The following CEP63 variants were observed in gnomAD, a reference collection of about 807,000 sequenced individuals.
CEP63 encodes centrosomal protein of 63 kDa.
CEP63 carries 84 observed loss-of-function variants against 89.1 expected under a neutral mutation model. The ratio of observed to expected loss-of-function variants is 0.94; its 90% CI spans 0.79 to 1.13. The LOEUF is 1.13. Among genes scored for constraint, CEP63 ranks in the 50% most tolerant of loss-of-function variants. The pLI is 0.00. For missense variants in CEP63, 838 were observed against 813.3 expected (o/e 1.03, Z -0.37); for synonymous variants, 267 against 272.5 (o/e 0.98, Z 0.20).
the CEP63 span, chr3:134,650,770 G>A: frequency 6.8e-7 from 1 of 1,479,700 alleles, no homozygotes; most frequent in South Asian, 1.4e-5. Flanking sequence ...AGGCCCTTGT[G>A]GCAAGGAGGC....
At position 134,532,063 on chromosome 3, in the gene CEP63, C is replaced by G. The variant is rs998796637; in HGVS notation, c.318+123C>G. On this transcript the variant is annotated intron_variant, in intron 4 of 14. Coordinates refer to ENST00000675561, the MANE Select transcript of CEP63 (RefSeq NM_001353108.3). ...GGAAATACATACTCCATCAAAGATACAGGAGTGGGAATCCATTTCTCTGTT... is the reference window on the plus strand; with the variant it reads ...GGAAATACATACTCCATCAAAGATAGAGGAGTGGGAATCCATTTCTCTGTT... The G allele has an allele frequency of 7.8e-6, 5 of 641,748 alleles. No homozygotes were observed. In the African/African-American group the frequency reaches 9.2e-5, roughly 12 times the overall value. The allele number at this position is 641,748 out of a possible 1,614,324, so 39.8% of individuals were successfully genotyped here. A position where few individuals can be genotyped will look rare whatever the true frequency, so the allele number is the denominator to read the frequency against.
the CEP63 span, among the ~76,000 whole-genome samples, chr3:134,713,372 G>T: frequency 1.7e-3 from 255 of 151,580 alleles, no homozygotes; most frequent in African/African-American, 6.0e-3. Context: ...CATGGGGGAG[G>T]TCTGCTCAGA....
chr3:134,634,305 GAAAA>G, the CEP63 span, among the ~76,000 whole-genome samples: 114 of 148,748 alleles, frequency 7.7e-4, 3 homozygotes, highest in South Asian at 0.024. Flanking sequence ...AACTAATTTT[GAAAA>G]AAAAAGATGG....
the CEP63 span, among the ~76,000 whole-genome samples, chr3:134,598,621 C>T: frequency 1.3e-5 from 2 of 152,054 alleles, no homozygotes; most frequent in African/African-American, 4.8e-5. Context: ...TGTAGCAGGT[C>T]GTGGGAAAGG....
chr3:134,630,202 G>A, the CEP63 span, among the ~76,000 whole-genome samples: 1 of 152,186 alleles, frequency 6.6e-6, no homozygotes, highest in Non-Finnish European at 1.5e-5. Context: ...GAGTCAGAGA[G>A]AGTGAAAGAA....
rs746682690 is a variant in CEP63 at position 134,558,278 on chromosome 3, A to G, written c.1604A>G (p.Lys535Arg). 11 of 1,613,852 alleles carry G rather than the reference A, an allele frequency of 6.8e-6. No homozygotes were observed. The highest frequency in any genetic ancestry group is 4.0e-5 in the African/African-American group (3 of 74,930). Reference sequence around the variant, plus strand: ...CTGGAGATTTCTACTCAGATGTGCAAAAAACAAAATGACAGGATCTTTAAA... The same window carrying G: ...CTGGAGATTTCTACTCAGATGTGCAGAAAACAAAATGACAGGATCTTTAAA... The part of the protein sequence containing the change: ...SQLEISTQMC[K>R]KQNDRIFKPT... The change falls in exon 13 of 15, where the codon AAA becomes AGA. Residue 535 changes from lysine to arginine, a missense_variant. By Grantham distance (26) the Lys-to-Arg change is conservative. Transcript: ENST00000675561.
the CEP63 span, among the ~76,000 whole-genome samples, chr3:134,695,814 G>C: frequency 5.9e-5 from 9 of 152,208 alleles, no homozygotes; most frequent in African/African-American, 2.2e-4. Context: ...TGTGGCTTGT[G>C]AACACAGATG....
downstream of CEP63, among the ~76,000 whole-genome samples, chr3:134,575,241 TCC>T (rs1560076122): frequency 1.2e-4 from 2 of 16,378 alleles, no homozygotes; most frequent in Non-Finnish European, 2.8e-4. Context: ...CTCCCTTCCT[TCC>T]TTCCTTCCTT....
At chr3:134,610,530 A>C in the CEP63 span, 1 of 668,200 alleles carries the variant, frequency 1.5e-6, no homozygotes, top group Non-Finnish European at 2.5e-6. Flanking sequence ...ACATATAAAC[A>C]GCCTTGATGG....
chr3:134,572,639 C>G (rs535282248), intron 11 of CEP63, among the ~76,000 whole-genome samples: 1 of 152,284 alleles, frequency 6.6e-6, no homozygotes, highest in African/African-American at 2.4e-5. Flanking sequence ...ACCACATTTT[C>G]TTTATCTAAT....
At chr3:134,583,574 T>G (rs1958412974) in intron 10 of CEP63, among the ~76,000 whole-genome samples, 1 of 152,212 alleles carries the variant, frequency 6.6e-6, no homozygotes, top group African/African-American at 2.4e-5. Context: ...GCTGTTTTGG[T>G]TACTGTAGCC....
At chr3:134,516,790 C>T (rs1480642465) in intron 3 of CEP63, among the ~76,000 whole-genome samples, 3 of 152,192 alleles carry the variant, frequency 2.0e-5, no homozygotes, top group African/African-American at 7.2e-5. Flanking sequence ...CATCTCAAGG[C>T]AGAAGAATTT....
intron 6 of CEP63, among the ~76,000 whole-genome samples, chr3:134,537,733 G>A (rs1951054546): frequency 6.6e-6 from 1 of 151,944 alleles, no homozygotes; most frequent in Non-Finnish European, 1.5e-5. Context: ...CTCTACTATA[G>A]TCTGTGCCTT....
chr3:134,595,134 G>A, the CEP63 span, among the ~76,000 whole-genome samples: 40 of 152,260 alleles, frequency 2.6e-4, no homozygotes, highest in South Asian at 2.9e-3. Context: ...TAATCTCCAC[G>A]TGTCATGGGA....
the CEP63 span, among the ~76,000 whole-genome samples, chr3:134,640,351 C>G: frequency 6.6e-6 from 1 of 152,152 alleles, no homozygotes; most frequent in African/African-American, 2.4e-5. Context: ...ACTTCTGGGT[C>G]TGGTATGCGA....
At chr3:134,679,972 C>T in the CEP63 span, among the ~76,000 whole-genome samples, 1 of 152,182 alleles carries the variant, frequency 6.6e-6, no homozygotes, top group Non-Finnish European at 1.5e-5. Flanking sequence ...CAGCCACCTG[C>T]CTTGGCCTCT....
chr3:134,702,235 A>T, the CEP63 span, among the ~76,000 whole-genome samples: 1 of 152,150 alleles, frequency 6.6e-6, no homozygotes, highest in African/African-American at 2.4e-5. Flanking sequence ...AAATGGAAAA[A>T]CATTCCATGC....
intron 5 of CEP63, among the ~76,000 whole-genome samples, chr3:134,533,951 C>T (rs1170377179): frequency 6.6e-6 from 1 of 152,042 alleles, no homozygotes; most frequent in Non-Finnish European, 1.5e-5. Flanking sequence ...GCTTCCCTTC[C>T]ACCCTTTTCG....
rs1319028717 is a variant in CEP63 at position 134,532,818 on chromosome 3, A to G, written c.359A>G (p.Lys120Arg). 2.5e-6 allele frequency: 4 copies of G among 1,611,786 alleles called. No homozygotes were observed. In the African/African-American group the frequency reaches 5.3e-5, roughly 22 times the overall value. Residue 120 changes from lysine to arginine, a missense_variant, in exon 5 of 15, where the codon AAG becomes AGG. Lys to Arg is a conservative substitution (Grantham distance 26). Transcript: ENST00000675561. ...AGAAGCTATGAAAAGCTTCAGAAAAAGCAAATGAGGGAATTCAGAGGAAAT... is the reference window on the plus strand; with the variant it reads ...AGAAGCTATGAAAAGCTTCAGAAAAGGCAAATGAGGGAATTCAGAGGAAAT... Reference protein sequence around the residue: ...LKRSYEKLQKKQMREFRGNTK... With the variant: ...LKRSYEKLQKRQMREFRGNTK...
Sources: gnomAD v4.1 joint callset for allele counts (sites outside exome capture counted in the v4.1 genomes callset) on GRCh38, gnomAD v4.1.1 for gene constraint, MANE v1.5 for transcripts, NCBI Gene and HGNC (gene_info 2026-07-23, HGNC 2026-07-21) for gene names.